The following FYTTD1 variants were observed in gnomAD, a reference collection of about 807,000 sequenced individuals.
The protein encoded by FYTTD1 is UAP56-interacting factor.
FYTTD1 carries 22 observed loss-of-function variants against 40.9 expected under a neutral mutation model. The observed-to-expected ratio is 0.54, with a 90% confidence interval of 0.38 to 0.77. The LOEUF is 0.77. FYTTD1 is among the 30% of genes least tolerant of loss of function. The pLI, the probability that FYTTD1 is intolerant of heterozygous loss-of-function variation, is 0.00. For synonymous variants in FYTTD1, 140 were observed against 137.9 expected, an observed-to-expected ratio of 1.01 and a Z score of -0.10; for missense variants, 351 against 392.2, an observed-to-expected ratio of 0.90 and a Z score of 0.89.
chr3:197,781,770 T>C (rs762858885), intron 8 of FYTTD1, 41 bp from the exon 9 acceptor site: 3 of 1,421,174 alleles, frequency 2.1e-6, no homozygotes, highest in East Asian at 2.3e-5. Context: ...AAGTTGTTAA[T>C]TGTTGCTTTG....
At chr3:197,751,568 A>T (rs1729049124) in intron 1 of FYTTD1, among the ~76,000 whole-genome samples, 1 of 152,074 alleles carries the variant, frequency 6.6e-6, no homozygotes, top group South Asian at 2.1e-4. Flanking sequence ...CCGCGGGCGG[A>T]TGTTGCAGTG....
intron 4 of FYTTD1, among the ~76,000 whole-genome samples, chr3:197,772,113 C>CA (rs1252259553): frequency 3.3e-5 from 5 of 151,936 alleles, no homozygotes; most frequent in African/African-American, 9.7e-5. Flanking sequence ...AATAAAAAAA[C>CA]AAAAAATGGA....
rs570118969 is a variant in FYTTD1 at position 197,768,668 on chromosome 3, A to T, written c.384+81A>T. On this transcript the variant is annotated intron_variant, in intron 3 of 8. Transcript: ENST00000241502. ...ATTTCTGTGAATAAGCTTAAGAGAG[A>T]ATTTTATTTGTTTTTATGTAGTACT... The T allele has an allele frequency of 5.8e-6, 7 of 1,213,432 alleles. No homozygotes were observed. The South Asian group carries it at 1.5e-4, about 26-fold the overall frequency. The allele number at this position is 1,213,432 out of a possible 1,614,324, so 75.2% of individuals were successfully genotyped here.
intron 2 of FYTTD1, among the ~76,000 whole-genome samples, chr3:197,759,092 T>C (rs917938538): frequency 1.3e-5 from 2 of 151,964 alleles, no homozygotes; most frequent in Non-Finnish European, 2.9e-5. Context: ...GTAGAAAGTA[T>C]AGAGTTGTTC....
intron 6 of FYTTD1, among the ~76,000 whole-genome samples, chr3:197,776,380 A>T (rs1194577332): frequency 6.0e-5 from 7 of 117,534 alleles, no homozygotes; most frequent in African/African-American, 2.1e-4. Flanking sequence ...CCCAGCTTAA[A>T]TTTGTTTTTT....
At chr3:197,755,936 ATT>A in intron 1 of FYTTD1, 1 of 644,202 alleles carries the variant, frequency 1.6e-6, no homozygotes, top group South Asian at 1.9e-5. Flanking sequence ...GGCTTCTGTG[ATT>A]ATGGGAAGTA....
rs953012141 is a variant in FYTTD1 at position 197,783,155 on chromosome 3, A to C, written c.*1246A>C. 6.6e-6 allele frequency: 1 copy of C among 152,628 alleles called. No individual in the cohort carries two copies. Among genetic ancestry groups the C allele is most frequent in the Non-Finnish European group, 1.5e-5 (1 of 68,042 alleles). The allele number at this position is 152,628 out of a possible 1,614,324, so 9.5% of individuals were successfully genotyped here. On this transcript the variant is annotated 3_prime_UTR_variant, in exon 9 of 9. Coordinates refer to ENST00000241502, the MANE Select transcript of FYTTD1 (RefSeq NM_032288.7). ...GAGTGGGAGAAGTTAGTCTGTGCTA[A>C]GATAGTACTGAGTCCCCAGATGTTG...
chr3:197,753,991 C>T (rs930936275), intron 1 of FYTTD1, among the ~76,000 whole-genome samples: 4 of 152,096 alleles, frequency 2.6e-5, no homozygotes, highest in Admixed American at 1.3e-4. Flanking sequence ...CCGCCCACTT[C>T]GGCCTCCCAA....
intron 1 of FYTTD1, among the ~76,000 whole-genome samples, chr3:197,751,313 C>T (rs1463607954): frequency 2.6e-5 from 4 of 152,200 alleles, no homozygotes; most frequent in Non-Finnish European, 5.9e-5. Flanking sequence ...TCAAGTCTTG[C>T]CTTGCTGCTG....
chr3:197,766,430 G>GTGTGTGTGTGTGTGTGTGT (rs1553909119), intron 2 of FYTTD1, among the ~76,000 whole-genome samples: 2 of 135,072 alleles, frequency 1.5e-5, no homozygotes, highest in East Asian at 2.3e-4. Flanking sequence ...GTTTGAGACT[G>GTGTGTGTGTGTGTGTGTGT]GTGTGTGTGT....
Position 197,786,080 on chromosome 3 carries a change from GTT to G in FYTTD1, c.*4173_*4174del, listed in dbSNP as rs1372757499. 1 of 145,914 alleles carries G rather than the reference GTT, an allele frequency of 6.9e-6. No individual in the cohort carries two copies. Among genetic ancestry groups the G allele is most frequent in the Non-Finnish European group, 1.5e-5 (1 of 65,968 alleles). 9.0% of individuals were successfully genotyped at this position (145,914 alleles called of 1,614,324 possible). A position where few individuals can be genotyped will look rare whatever the true frequency, so the allele number is the denominator to read the frequency against. On this transcript the variant is annotated 3_prime_UTR_variant, in exon 9 of 9. Coordinates refer to ENST00000241502, the MANE Select transcript of FYTTD1 (RefSeq NM_032288.7). ...ATCTTTTATTTCCCTTCTCACCACAGTTTATTTTCTTTTTTCTTTTTCTTTTT... is the reference window on the plus strand; with the variant it reads ...ATCTTTTATTTCCCTTCTCACCACAGTATTTTCTTTTTTCTTTTTCTTTTT...
At position 197,751,641 on chromosome 3, in the gene FYTTD1, T is replaced by TCC. The variant is rs146876463; in HGVS notation, c.103+1574_103+1575dup. Reference sequence around the variant, plus strand: ...AGCGAGACCCTGTCTCCCCCCGCTCTCCCCCCCCGCAAAAAAGAGAGAGAA... The same window carrying TCC: ...AGCGAGACCCTGTCTCCCCCCGCTCTCCCCCCCCCCGCAAAAAAGAGAGAGAA... On this transcript the variant is annotated intron_variant, in intron 1 of 8. Transcript: ENST00000241502. Among the ~76,000 whole-genome samples the TCC allele has an allele frequency of 9.7e-3, 1,302 of 134,608 alleles. 10 individuals are homozygous for TCC. The highest frequency in any genetic ancestry group is 0.034 in the African/African-American group (1,230 of 36,672). The allele number at this position is 134,608 out of a possible 152,430, so 88.3% of individuals were successfully genotyped here. A position where few individuals can be genotyped will look rare whatever the true frequency, so the allele number is the denominator to read the frequency against.
chr3:197,772,321 A>G (rs536319974), intron 4 of FYTTD1, among the ~76,000 whole-genome samples: 1 of 152,322 alleles, frequency 6.6e-6, no homozygotes, highest in Admixed American at 6.5e-5. Context: ...ACTCGTTTAT[A>G]TAGTGTTTCA....
chr3:197,753,515 C>T (rs1729127548), intron 1 of FYTTD1, among the ~76,000 whole-genome samples: 1 of 151,498 alleles, frequency 6.6e-6, no homozygotes, highest in African/African-American at 2.4e-5. Flanking sequence ...CTTAAAATAG[C>T]TCATTGTAAG....
At chr3:197,759,365 T>G (rs1201355465) in intron 2 of FYTTD1, among the ~76,000 whole-genome samples, 1 of 150,320 alleles carries the variant, frequency 6.7e-6, no homozygotes, top group Non-Finnish European at 1.5e-5. Flanking sequence ...AGTGGTAGAA[T>G]GTATAGAGTG....
intron 1 of FYTTD1, chr3:197,750,875 G>A: frequency 1.0e-6 from 1 of 984,026 alleles, no homozygotes; most frequent in Non-Finnish European, 1.2e-6. Context: ...GTTTCTTGCC[G>A]ATTATATAAA....
intron 2 of FYTTD1, among the ~76,000 whole-genome samples, chr3:197,767,507 CTATT>C (rs757991775): frequency 2.7e-5 from 4 of 146,218 alleles, no homozygotes; most frequent in Admixed American, 6.9e-5. Context: ...ATTTTTTAAT[CTATT>C]TATTTTTTGG....
intron 8 of FYTTD1, among the ~76,000 whole-genome samples, chr3:197,779,880 G>GCCACACCTGGGGATACAGGCACACACCA (rs1729979161): frequency 8.6e-6 from 1 of 116,944 alleles, no homozygotes; most frequent in Admixed American, 9.2e-5. Context: ...GGCACACACT[G>GCCACACCTGGGGATACAGGCACACACCA]CCACACCTGG....
rs1464575915 is a variant in FYTTD1 at position 197,769,977 on chromosome 3, G to GTCT, written c.385-155_385-154insTCT. Among the ~76,000 whole-genome samples the GTCT allele has an allele frequency of 3.9e-5, 6 of 152,280 alleles. No individual in the cohort carries two copies. In the South Asian group the frequency reaches 1.2e-3, roughly 32 times the overall value. ...GGGTTTTCATCTTTTCAGTCATGTA[G>GTCT]ACTGTACAGTTTCAAGTTGTTTGTT... On this transcript the variant is annotated intron_variant, in intron 3 of 8. Transcript: ENST00000241502.
Sources: allele counts gnomAD v4.1 joint callset (sites outside exome capture counted in the v4.1 genomes callset), GRCh38; gene constraint gnomAD v4.1.1; transcripts MANE v1.5; gene names NCBI Gene and HGNC (gene_info 2026-07-23, HGNC 2026-07-21).